KLC3: variants seen among roughly 807,000 people sequenced by gnomAD.
KLC3 encodes the protein kinesin light chain 3, also known as kinesin light chain 2.
Under a neutral mutation model 62.9 loss-of-function variants are expected in KLC3, and 72 were observed. The ratio of observed to expected loss-of-function variants is 1.15; its 90% CI spans 0.95 to 1.39. The LOEUF (loss-of-function observed/expected upper bound fraction) is 1.39. Ranked by LOEUF, KLC3 falls within the 40% of genes most tolerant of loss-of-function variation. The pLI, the probability that KLC3 is intolerant of heterozygous loss-of-function variation, is 0.00. For missense variants in KLC3, 848 were observed against 691.6 expected (o/e 1.23, Z -2.54); for synonymous variants, 377 against 300.5 (o/e 1.25, Z -2.63).
intron 1 of KLC3, 165 bp from the exon 2 acceptor site, chr19:45,345,369 A>G: frequency 2.4e-6 from 2 of 830,654 alleles, no homozygotes; most frequent in Non-Finnish European, 3.9e-6. Context: ...GGAGACTGGG[A>G]TGGAGAGGGT....
intron 12 of KLC3, 24 bp from the exon 13 acceptor site, chr19:45,351,262 A>C (rs1971756978): frequency 1.2e-6 from 2 of 1,609,698 alleles, no homozygotes; most frequent in East Asian, 2.2e-5. Context: ...CTCCCCTCCA[A>C]CCATCCCCTG....
intron 8 of KLC3, chr19:45,349,856 T>C (rs1199957681): frequency 3.9e-6 from 2 of 514,812 alleles, no homozygotes; most frequent in South Asian, 2.8e-5. Flanking sequence ...CAGACATTTA[T>C]TGAGCTCACT....
At chr19:45,348,787 C>T (rs1448778861) in intron 6 of KLC3, 33 bp from the exon 7 acceptor site, 4 of 1,562,118 alleles carry the variant, frequency 2.6e-6, no homozygotes, top group African/African-American at 2.7e-5. Context: ...CACACCTGCC[C>T]ATCCCTGACC....
At chr19:45,347,237 G>A (rs887430283) in intron 3 of KLC3, 2 of 531,226 alleles carry the variant, frequency 3.8e-6, no homozygotes, top group African/African-American at 2.0e-5. Flanking sequence ...AGCTACTCCG[G>A]AAGCTGAGGC....
chr19:45,349,292 G>T, intron 7 of KLC3, 137 bp from the exon 8 acceptor site: 1 of 851,276 alleles, frequency 1.2e-6, no homozygotes, highest in East Asian at 2.6e-5. Flanking sequence ...TATAACTTGT[G>T]TCCCCAGCCC....
chr19:45,348,963 A>G, intron 7 of KLC3, 42 bp downstream of exon 7: 5 of 1,504,946 alleles, frequency 3.3e-6, no homozygotes, highest in Non-Finnish European at 4.5e-6. Flanking sequence ...CCCTTGTCCC[A>G]TGTAGCCCTC....
Position 45,349,546 on chromosome 19 carries a change from T to C in KLC3, c.1087T>C (p.Tyr363His), listed in dbSNP as rs866034159. ...GCACTATGCCCGGGCCCTGAGCATC[T>C]ATGAGGCACTGGGCGGGCCCCATGA... is the stretch of plus-strand genomic sequence containing the variant. ...ERHYARALSI[Y>H]EALGGPHDPN... The change falls in exon 8 of 13, where the codon TAT (tyrosine) becomes CAT (histidine). Residue 363 changes from tyrosine to histidine, a missense_variant. Tyr to His is a moderately conservative substitution (Grantham distance 83, BLOSUM62 2). Transcript: ENST00000391946. The C allele has an allele frequency of 1.2e-6, 2 of 1,613,798 alleles. No individual in the cohort carries two copies. The highest frequency in any genetic ancestry group is 1.7e-6 in the Non-Finnish European group (2 of 1,179,878).
chr19:45,347,370 A>G (rs1383920766), intron 3 of KLC3, 77 bp from the exon 4 acceptor site: 8 of 1,115,380 alleles, frequency 7.2e-6, no homozygotes, highest in Non-Finnish European at 1.1e-5. Flanking sequence ...AAAAACAAAA[A>G]CCTGAGATAG....
At chr19:45,348,945 C>A in intron 7 of KLC3, 24 bp downstream of exon 7, 1 of 1,544,500 alleles carries the variant, frequency 6.5e-7, no homozygotes, top group African/African-American at 1.4e-5. Flanking sequence ...CACCCCACCC[C>A]GAGGAACCCC....
intron 8 of KLC3, 164 bp from the exon 9 acceptor site, chr19:45,350,177 T>C (rs1412058476): frequency 4.9e-6 from 3 of 616,648 alleles, no homozygotes; most frequent in Non-Finnish European, 5.7e-6. Context: ...ACCCCAACAC[T>C]TTGGGAGGCC....
intron 1 of KLC3, among the ~76,000 whole-genome samples, chr19:45,343,169 C>T (rs571677307): frequency 1.3e-5 from 2 of 151,916 alleles, no homozygotes; most frequent in Admixed American, 6.6e-5. Context: ...TCTGGAGGTG[C>T]GTTGGGCACA....
rs200273694 is a variant in KLC3 at position 45,349,520 on chromosome 19, G to A, written c.1061G>A (p.Arg354Gln). The change falls in exon 8 of 13, where the codon CGG (arginine) becomes CAG (glutamine). Residue 354 changes from arginine (R) to glutamine (Q), a missense_variant. Physicochemically the swap from Arg to Gln is conservative, Grantham distance 43. Coordinates refer to ENST00000391946, the MANE Select transcript of KLC3 (RefSeq NM_177417.3). ...CAGGGCAAGTTTGAGGACGTGGAGC[G>A]GCACTATGCCCGGGCCCTGAGCATC... The part of the protein sequence containing the change: ...QNQGKFEDVE[R>Q]HYARALSIYE... 2,575 of 1,614,018 alleles carry A rather than the reference G, an allele frequency of 1.6e-3. 3 individuals are homozygous for A. The highest frequency in any genetic ancestry group is 2.0e-3 in the Non-Finnish European group (2,366 of 1,179,992).
At chr19:45,350,048 A>T (rs759045183) in intron 8 of KLC3, 15 of 467,038 alleles carry the variant, frequency 3.2e-5, no homozygotes, top group Non-Finnish European at 5.4e-5. Flanking sequence ...TCCCCAGGGC[A>T]GGAAGTAAGG....
intron 11 of KLC3, 69 bp downstream of exon 11, chr19:45,350,816 CCCATCT>C (rs1971720660): frequency 1.5e-6 from 2 of 1,375,104 alleles, no homozygotes; most frequent in Middle Eastern, 1.8e-4. Context: ...CACCCCCACC[CCCATCT>C]TGCTCAAGAA....
At chr19:45,347,865 A>C in intron 4 of KLC3, 76 bp from the exon 5 acceptor site, 1 of 1,238,120 alleles carries the variant, frequency 8.1e-7, no homozygotes, top group Non-Finnish European at 1.1e-6. Flanking sequence ...GGCAGTTCTG[A>C]GGCACGTGTC....
At chr19:45,349,030 GTATTGGGAGA>G in intron 7 of KLC3, 109 bp downstream of exon 7, 2 of 940,966 alleles carry the variant, frequency 2.1e-6, no homozygotes, top group Non-Finnish European at 3.2e-6. Flanking sequence ...CTTGCGTTTG[GTATTGGGAGA>G]CCCCAGTTGG....
At position 45,347,956 on chromosome 19, in the gene KLC3, G is replaced by A. The variant is rs1236984604; in HGVS notation, c.575G>A (p.Gly192Glu). The change falls in exon 5 of 13, where the codon GGA becomes GAA. Residue 192 changes from glycine to glutamate, a missense_variant. By Grantham distance (98) the Gly-to-Glu change is moderately conservative. Transcript: ENST00000391946. ...EEERKGPEAA[G>E]AAAAQQGGYE... is the part of the protein sequence containing the mutation. ...CCCCACCTAGGTCCTGAGGCCGCAG[G>A]AGCAGCAGCTGCTCAGCAGGGTGGC... The A allele has an allele frequency of 1.2e-6, 2 of 1,605,736 alleles. No homozygotes were observed. Among genetic ancestry groups the A allele is most frequent in the East Asian group, 2.2e-5 (1 of 44,556 alleles).
chr19:45,347,045 C>T (rs189262304), intron 3 of KLC3: 1 of 483,914 alleles, frequency 2.1e-6, no homozygotes, highest in African/African-American at 2.0e-5. Flanking sequence ...CACCACCTCC[C>T]TCAAACCTTG....
At position 45,348,080 on chromosome 19, in the gene KLC3, C is replaced by CTTG; in HGVS notation, c.700_702dup (p.Leu234dup). 1 of 1,602,796 alleles carries CTTG rather than the reference C, an allele frequency of 6.2e-7. No homozygotes were observed. The highest frequency in any genetic ancestry group is 1.7e-5 in the Admixed American group (1 of 58,304). On this transcript the variant is annotated inframe_insertion, in exon 5 of 13. Coordinates refer to ENST00000391946, the MANE Select transcript of KLC3 (RefSeq NM_177417.3). ...TGGCGGTGCCTCTGTGCCGCCAGGCCTTGGAGGACCTGGAGCGCAGCTCGG... is the reference window on the plus strand; with the variant it reads ...TGGCGGTGCCTCTGTGCCGCCAGGCCTTGTTGGAGGACCTGGAGCGCAGCTCGG...
Sources: gnomAD v4.1 joint callset for allele counts (sites outside exome capture counted in the v4.1 genomes callset) on GRCh38, gnomAD v4.1.1 for gene constraint, MANE v1.5 for transcripts, NCBI Gene and HGNC (gene_info 2026-07-23, HGNC 2026-07-21) for gene names.